The following ARMC8 variants were observed in gnomAD, a reference collection of about 807,000 sequenced individuals.
ARMC8 encodes the protein armadillo repeat containing 8.
A neutral mutation model predicts 99.3 loss-of-function variants in ARMC8; 20 were observed. The ratio of observed to expected loss-of-function variants is 0.20; its 90% CI spans 0.14 to 0.29. The LOEUF (loss-of-function observed/expected upper bound fraction) is 0.29. Ranked by LOEUF, ARMC8 falls within the 10% of genes least tolerant of loss-of-function variation. The pLI, the probability that ARMC8 is intolerant of heterozygous loss-of-function variation, is 1.00. For missense variants in ARMC8, 569 were observed against 809.5 expected (o/e 0.70, Z 3.60); for synonymous variants, 263 against 278.3 (o/e 0.95, Z 0.55).
chr3:138,250,653 A>T (rs1226264472), intron 12 of ARMC8, among the ~76,000 whole-genome samples: 1 of 152,178 alleles, frequency 6.6e-6, no homozygotes, highest in East Asian at 1.9e-4. Flanking sequence ...AATCTACCTA[A>T]CTTTGATGAC....
chr3:138,281,219 T>G lies in ARMC8; in HGVS notation c.1726-3212T>G, dbSNP rs73227570. Among the ~76,000 whole-genome samples the G allele has an allele frequency of 8.4e-3, 1,268 of 150,704 alleles. 7 individuals carry two copies. The highest frequency in any genetic ancestry group is 0.013 in the African/African-American group (527 of 41,154). On this transcript the variant is annotated intron_variant, in intron 18 of 21. Coordinates refer to ENST00000469044, the MANE Select transcript of ARMC8 (RefSeq NM_001363941.2). ...AATATGCGTACATTAATGGTGTGGG[T>G]GTGTGTGTGTGTGTGTAGTTTTTAT...
chr3:138,231,911 CA>C (rs2046056231), intron 6 of ARMC8, among the ~76,000 whole-genome samples: 2 of 145,924 alleles, frequency 1.4e-5, no homozygotes, highest in Non-Finnish European at 3.0e-5. Flanking sequence ...TCTCAAATGA[CA>C]GATCCTCCTC....
At chr3:138,264,461 C>G (rs1001859318) in intron 14 of ARMC8, among the ~76,000 whole-genome samples, 17 of 142,970 alleles carry the variant, frequency 1.2e-4, no homozygotes, top group South Asian at 4.5e-4. Context: ...GCTCTGTCAC[C>G]CAGGCTGGAG....
At chr3:138,242,633 G>A (rs2046682153) in intron 11 of ARMC8, among the ~76,000 whole-genome samples, 1 of 152,316 alleles carries the variant, frequency 6.6e-6, no homozygotes, top group East Asian at 1.9e-4. Context: ...GTAAGAGAAA[G>A]TTTATTCAAG....
At chr3:138,234,903 G>A in intron 6 of ARMC8, 131 bp from the exon 7 acceptor site, 4 of 689,112 alleles carry the variant, frequency 5.8e-6, no homozygotes, top group Non-Finnish European at 9.6e-6. Context: ...TGAGGTTTGA[G>A]TTTATTTAAG....
intron 2 of ARMC8, among the ~76,000 whole-genome samples, chr3:138,210,568 C>T (rs2044635963): frequency 6.6e-6 from 1 of 152,038 alleles, no homozygotes; most frequent in South Asian, 2.1e-4. Context: ...TAAGGCTTAT[C>T]ATGGGGTTGG....
Position 138,256,402 on chromosome 3 carries a change from C to T in ARMC8, c.1135-7337C>T, listed in dbSNP as rs200657916. Among the ~76,000 whole-genome samples, 574 of 90,312 alleles carry T rather than the reference C, an allele frequency of 6.4e-3. 8 individuals carry two copies. The highest frequency in any genetic ancestry group is 0.024 in the African/African-American group (540 of 22,086). The allele number at this position is 90,312 out of a possible 152,430, so 59.2% of individuals were successfully genotyped here. On this transcript the variant is annotated intron_variant, in intron 12 of 21. Transcript: ENST00000469044. ...TAAAGTATATCTTTTTTTCCTCCTT[C>T]TTTTTTTTTTTTTTTTTTTTTTTTT...
At chr3:138,286,595 C>G (rs969144688) in intron 19 of ARMC8, among the ~76,000 whole-genome samples, 8 of 152,142 alleles carry the variant, frequency 5.3e-5, no homozygotes, top group African/African-American at 1.7e-4. Context: ...ACAATAGGAC[C>G]TCGTAGGGAG....
At chr3:138,233,197 T>C (rs919212174) in intron 6 of ARMC8, among the ~76,000 whole-genome samples, 27 of 152,144 alleles carry the variant, frequency 1.8e-4, no homozygotes, top group African/African-American at 5.8e-4. Flanking sequence ...CAGTAAGTAG[T>C]ACCTATGCTT....
At chr3:138,248,821 G>T (rs2046996126) in intron 12 of ARMC8, among the ~76,000 whole-genome samples, 1 of 152,190 alleles carries the variant, frequency 6.6e-6, no homozygotes, top group African/African-American at 2.4e-5. Flanking sequence ...CAAGGAAATT[G>T]GTATACTAAC....
At chr3:138,246,273 T>G (rs571248873) in intron 12 of ARMC8, 3 of 985,720 alleles carry the variant, frequency 3.0e-6, no homozygotes, top group Non-Finnish European at 3.6e-6. Flanking sequence ...AATGTTTCCA[T>G]GTACCTCACT....
intron 1 of ARMC8, among the ~76,000 whole-genome samples, chr3:138,200,848 T>A (rs1165432330): frequency 6.6e-6 from 1 of 151,910 alleles, no homozygotes; most frequent in Non-Finnish European, 1.5e-5. Context: ...TTATTTATTA[T>A]GTTTATTGCT....
intron 2 of ARMC8, among the ~76,000 whole-genome samples, chr3:138,212,032 A>T (rs954206420): frequency 6.6e-6 from 1 of 152,214 alleles, no homozygotes; most frequent in African/African-American, 2.4e-5. Context: ...TGTGAGTGAT[A>T]ACATTCTAGT....
intron 1 of ARMC8, among the ~76,000 whole-genome samples, chr3:138,200,371 C>T (rs1376744167): frequency 6.6e-6 from 1 of 151,388 alleles, no homozygotes; most frequent in African/African-American, 2.5e-5. Context: ...AAGTTCCTAC[C>T]AGGACAAAAT....
intron 2 of ARMC8, among the ~76,000 whole-genome samples, chr3:138,211,369 G>A (rs961219958): frequency 6.6e-6 from 1 of 152,182 alleles, no homozygotes; most frequent in South Asian, 2.1e-4. Flanking sequence ...TAGTAATCAA[G>A]AATTCTGTGT....
chr3:138,211,353 G>A (rs969049372), intron 2 of ARMC8, among the ~76,000 whole-genome samples: 1 of 152,210 alleles, frequency 6.6e-6, no homozygotes, highest in African/African-American at 2.4e-5. Context: ...TTAGGAGAAA[G>A]CTGTTTAGTA....
At chr3:138,216,428 G>A (rs1254021829) in intron 2 of ARMC8, among the ~76,000 whole-genome samples, 2 of 152,076 alleles carry the variant, frequency 1.3e-5, no homozygotes, top group Non-Finnish European at 2.9e-5. Flanking sequence ...CTTAAAATTG[G>A]CAATTCAATA....
chr3:138,277,474 G>A (rs978077394), intron 18 of ARMC8, among the ~76,000 whole-genome samples: 6 of 152,144 alleles, frequency 3.9e-5, no homozygotes, highest in Non-Finnish European at 7.4e-5. Flanking sequence ...GCCATCCACC[G>A]GAAGGAATAT....
chr3:138,264,254 C>T, intron 14 of ARMC8, 42 bp downstream of exon 14: 1 of 1,517,962 alleles, frequency 6.6e-7, no homozygotes, highest in Non-Finnish European at 9.1e-7. Flanking sequence ...TACTCACAGA[C>T]CCTAGAGTGA....
Sources: allele counts gnomAD v4.1 joint callset (sites outside exome capture counted in the v4.1 genomes callset), GRCh38; gene constraint gnomAD v4.1.1; transcripts MANE v1.5; gene names NCBI Gene and HGNC (gene_info 2026-07-23, HGNC 2026-07-21).